The following LRRTM4 variants were observed in gnomAD, a reference collection of about 807,000 sequenced individuals.
LRRTM4 encodes leucine rich repeat transmembrane neuronal 4.
LRRTM4 carries 25 observed loss-of-function variants against 47.6 expected under a neutral mutation model. That is an observed-to-expected ratio of 0.53 (90% CI 0.38 to 0.73). The LOEUF is 0.73. LRRTM4 is among the 30% of genes least tolerant of loss of function. LRRTM4 has a pLI of 0.00. For missense variants in LRRTM4, 638 were observed against 713.4 expected, an observed-to-expected ratio of 0.89 and a Z score of 1.20; for synonymous variants, 311 against 269.5, an observed-to-expected ratio of 1.15 and a Z score of -1.51.
chr2:76,951,724 C>A (rs1305948342), intron 3 of LRRTM4, among the ~76,000 whole-genome samples: 1 of 151,896 alleles, frequency 6.6e-6, no homozygotes, highest in East Asian at 1.9e-4. Flanking sequence ...ATCAACCCAT[C>A]ATCTAGTTTT....
chr2:76,954,502 T>G (rs1320039457), intron 3 of LRRTM4, among the ~76,000 whole-genome samples: 1 of 131,340 alleles, frequency 7.6e-6, no homozygotes, highest in East Asian at 2.9e-4. Context: ...GCCTGAGAAA[T>G]AAAAAGAAAA....
intron 3 of LRRTM4, among the ~76,000 whole-genome samples, chr2:77,243,410 C>CAAA (rs1558649815): frequency 1.7e-5 from 1 of 59,794 alleles, no homozygotes; most frequent in African/African-American, 8.0e-5. Context: ...AACTCCGTCT[C>CAAA]AAAATAAAAA....
intron 3 of LRRTM4, among the ~76,000 whole-genome samples, chr2:77,225,239 G>A (rs1268484437): frequency 6.7e-6 from 1 of 149,762 alleles, no homozygotes; most frequent in Admixed American, 6.7e-5. Context: ...GGGAGGGATA[G>A]CATTAGGAGA....
At chr2:76,793,831 CCTGTGTTGCT>C (rs1183259344) in intron 3 of LRRTM4, among the ~76,000 whole-genome samples, 3 of 152,086 alleles carry the variant, frequency 2.0e-5, no homozygotes, top group Non-Finnish European at 4.4e-5. Context: ...GAAACAAACA[CCTGTGTTGCT>C]GTAAGCCTGT....
chr2:76,973,373 A>G (rs898370393), intron 3 of LRRTM4, among the ~76,000 whole-genome samples: 3 of 152,010 alleles, frequency 2.0e-5, no homozygotes, highest in African/African-American at 7.2e-5. Flanking sequence ...ATTTTTAAAA[A>G]ATATTCTTAT....
chr2:77,463,839 C>T (rs960438659), intron 3 of LRRTM4, among the ~76,000 whole-genome samples: 13 of 152,162 alleles, frequency 8.5e-5, no homozygotes, highest in African/African-American at 2.9e-4. Flanking sequence ...CACCACATGG[C>T]GGGTGGCAGT....
intron 3 of LRRTM4, among the ~76,000 whole-genome samples, chr2:77,100,826 C>A (rs948358004): frequency 6.8e-6 from 1 of 147,872 alleles, no homozygotes; most frequent in Admixed American, 6.8e-5. Context: ...ATGTAAGCTT[C>A]TATTAAAGTA....
intron 3 of LRRTM4, among the ~76,000 whole-genome samples, chr2:76,752,556 C>A (rs1672888586): frequency 2.0e-5 from 3 of 152,108 alleles, no homozygotes; most frequent in Non-Finnish European, 2.9e-5. Context: ...GCACAGCAGA[C>A]CAATAGCAAG....
chr2:76,898,499 G>A (rs1297432759), intron 3 of LRRTM4, among the ~76,000 whole-genome samples: 1 of 137,350 alleles, frequency 7.3e-6, no homozygotes, highest in Non-Finnish European at 1.5e-5. Flanking sequence ...GATGAGGTGA[G>A]CAGAGAATGC....
intron 3 of LRRTM4, among the ~76,000 whole-genome samples, chr2:77,439,231 G>A (rs1014879275): frequency 1.6e-4 from 25 of 152,214 alleles, no homozygotes; most frequent in South Asian, 6.2e-4. Flanking sequence ...AATTTCCCGC[G>A]TACAGCTCTT....
At chr2:76,872,560 C>T (rs1469483244) in intron 3 of LRRTM4, among the ~76,000 whole-genome samples, 4 of 151,856 alleles carry the variant, frequency 2.6e-5, no homozygotes, top group African/African-American at 9.7e-5. Context: ...TTGTCACTTA[C>T]ATAGCACTTA....
At chr2:77,174,147 C>T (rs1219897652) in intron 3 of LRRTM4, among the ~76,000 whole-genome samples, 1 of 152,082 alleles carries the variant, frequency 6.6e-6, no homozygotes, top group Non-Finnish European at 1.5e-5. Flanking sequence ...ACTATCAATC[C>T]TGCCCGTGCA....
intron 3 of LRRTM4, among the ~76,000 whole-genome samples, chr2:77,316,873 A>C (rs952522279): frequency 1.3e-5 from 2 of 152,216 alleles, no homozygotes; most frequent in African/African-American, 4.8e-5. Flanking sequence ...GCAATTTGCC[A>C]ATTAAGTATC....
At chr2:76,986,022 T>C (rs931384140) in intron 3 of LRRTM4, 1 of 152,016 alleles carries the variant, frequency 6.6e-6, no homozygotes, top group African/African-American at 2.4e-5. Context: ...CGACCTTCCA[T>C]TCGCATTGTA....
intron 3 of LRRTM4, among the ~76,000 whole-genome samples, chr2:77,144,440 C>G (rs1390953068): frequency 1.3e-5 from 2 of 151,578 alleles, no homozygotes; most frequent in African/African-American, 4.8e-5. Flanking sequence ...AAAGTGGGGT[C>G]AAAAATAAAA....
intron 3 of LRRTM4, among the ~76,000 whole-genome samples, chr2:76,912,324 G>A (rs989888830): frequency 6.6e-6 from 1 of 152,156 alleles, no homozygotes; most frequent in Non-Finnish European, 1.5e-5. Context: ...GTTAATAAAT[G>A]TAGTCCTGTA....
chr2:76,904,206 G>T (rs1673741723), intron 3 of LRRTM4, among the ~76,000 whole-genome samples: 1 of 152,164 alleles, frequency 6.6e-6, no homozygotes, highest in South Asian at 2.1e-4. Context: ...CAATTGTCCT[G>T]GAACAAAGTA....
intron 3 of LRRTM4, among the ~76,000 whole-genome samples, chr2:76,966,137 C>G (rs1354991163): frequency 6.6e-6 from 1 of 151,506 alleles, no homozygotes; most frequent in African/African-American, 2.4e-5. Flanking sequence ...ACTCCCCTAA[C>G]AGGTTTTATA....
At chr2:77,034,016 C>A (rs115327878) in intron 3 of LRRTM4, among the ~76,000 whole-genome samples, 2,736 of 151,550 alleles carry the variant, frequency 0.018, 72 homozygotes, top group African/African-American at 0.062. Flanking sequence ...GCTTAGTATA[C>A]CTTTATTATT....
Sources: allele counts gnomAD v4.1 joint callset (sites outside exome capture counted in the v4.1 genomes callset), GRCh38; gene constraint gnomAD v4.1.1; transcripts MANE v1.5; gene names NCBI Gene and HGNC (gene_info 2026-07-23, HGNC 2026-07-21).